SPNS1: variants seen among roughly 807,000 people sequenced by gnomAD.
SPNS1 encodes protein spinster homolog 1.
SPNS1 carries 22 observed loss-of-function variants against 50.3 expected under a neutral mutation model. The ratio of observed to expected loss-of-function variants is 0.44; its 90% CI spans 0.31 to 0.62. The LOEUF is 0.62. SPNS1 is among the 20% of genes least tolerant of loss of function. The pLI is 0.07. For missense variants in SPNS1, 576 were observed against 728.6 expected, an observed-to-expected ratio of 0.79 and a Z score of 2.41; for synonymous variants, 295 against 317.4, an observed-to-expected ratio of 0.93 and a Z score of 0.75.
At chr16:28,975,595 C>T (rs778317649) in intron 2 of SPNS1, 38 bp downstream of exon 2, 4 of 1,610,864 alleles carry the variant, frequency 2.5e-6, no homozygotes, top group Non-Finnish European at 3.4e-6. Flanking sequence ...AGCCGCTCCT[C>T]CTTCTGTTCT....
chr16:28,976,269 C>A (rs1397834167), intron 2 of SPNS1, among the ~76,000 whole-genome samples: 1 of 152,122 alleles, frequency 6.6e-6, no homozygotes, highest in East Asian at 1.9e-4. Context: ...GAGACTCCAT[C>A]TCATAAATAA....
chr16:28,974,818 A>C lies in SPNS1; in HGVS notation c.-334A>C, dbSNP rs1330868959. 1.1e-5 allele frequency: 17 copies of C among 1,535,548 alleles called. No homozygotes were observed. Among genetic ancestry groups the C allele is most frequent in the Non-Finnish European group, 1.3e-5 (15 of 1,146,594 alleles). ...AGCAACATGGCGGCTGCCGTGGTGC[A>C]GCGCCCGGGCTGAGCGACAGCAAGT... On this transcript the variant is annotated 5_prime_UTR_variant, in exon 1 of 12. Transcript: ENST00000311008.
Position 28,981,782 on chromosome 16 carries a change from G to A in SPNS1, c.810-119G>A, listed in dbSNP as rs1965562093. The A allele has an allele frequency of 8.0e-6, 12 of 1,503,234 alleles. No individual in the cohort carries two copies. Among genetic ancestry groups the A allele is most frequent in the Non-Finnish European group, 9.0e-6 (10 of 1,105,586 alleles). 93.1% of individuals were successfully genotyped at this position (1,503,234 alleles called of 1,614,324 possible). On this transcript the variant is annotated intron_variant, in intron 6 of 11. Coordinates refer to ENST00000311008, the MANE Select transcript of SPNS1 (RefSeq NM_032038.3). This position sits in a 1 kb window ranked among gnomAD's most constrained non-coding sequence, Gnocchi z 4.2. Reference sequence around the variant, plus strand: ...TTACAGGCCCAGATCCTGGGAGCCAGAACCACCTCTGCACGGTGTTGTGAC... The same window carrying A: ...TTACAGGCCCAGATCCTGGGAGCCAAAACCACCTCTGCACGGTGTTGTGAC...
At position 28,977,894 on chromosome 16, in the gene SPNS1, C is replaced by T. The variant is rs1400983091; in HGVS notation, c.308-14C>T. ...GGTACCTGGGCTGAGCTGTGACTCTCTGCTTCCCCCTAGTGTTCATCTCCA... is the reference window on the plus strand; with the variant it reads ...GGTACCTGGGCTGAGCTGTGACTCTTTGCTTCCCCCTAGTGTTCATCTCCA... On this transcript the variant is annotated splice_polypyrimidine_tract_variant and intron_variant, in intron 2 of 11. Coordinates refer to ENST00000311008, the MANE Select transcript of SPNS1 (RefSeq NM_032038.3). The T allele has an allele frequency of 1.3e-5, 21 of 1,612,604 alleles. No individual in the cohort carries two copies. Among genetic ancestry groups the T allele is most frequent in the Non-Finnish European group, 1.8e-5 (21 of 1,179,234 alleles).
At position 28,981,178 on chromosome 16, in the gene SPNS1, T is replaced by C. The variant is rs1965537287; in HGVS notation, c.664-292T>C. Reference sequence around the variant, plus strand: ...CCGAGGCTGGGGTGGTTAACAGTCCTCTTGTTGGCCAAGCCTGGGATCCTA... The same window carrying C: ...CCGAGGCTGGGGTGGTTAACAGTCCCCTTGTTGGCCAAGCCTGGGATCCTA... On this transcript the variant is annotated intron_variant, in intron 5 of 11. Coordinates refer to ENST00000311008, the MANE Select transcript of SPNS1 (RefSeq NM_032038.3). This position sits in a 1 kb window ranked among gnomAD's most constrained non-coding sequence, Gnocchi z 4.2. 6.6e-6 allele frequency among the ~76,000 whole-genome samples: 1 copy of C among 152,166 alleles called. No individual in the cohort carries two copies. The highest frequency in any genetic ancestry group is 2.1e-4 in the South Asian group (1 of 4,826).
At chr16:28,977,760 C>T (rs1463139880) in intron 2 of SPNS1, 148 bp from the exon 3 acceptor site, 3 of 967,436 alleles carry the variant, frequency 3.1e-6, no homozygotes, top group Non-Finnish European at 4.6e-6. Flanking sequence ...TGACAGGAAG[C>T]TCTGATGGGC....
chr16:28,978,775 A>G (rs1965432486), intron 3 of SPNS1: 2 of 203,080 alleles, frequency 9.8e-6, no homozygotes, highest in South Asian at 1.5e-4. Flanking sequence ...CCTTAGCTTC[A>G]GGTGCCTTTG....
intron 5 of SPNS1, chr16:28,980,465 C>T (rs1159374050): frequency 1.3e-5 from 2 of 152,080 alleles, no homozygotes; most frequent in Non-Finnish European, 2.9e-5. Flanking sequence ...TCTCATTCTG[C>T]TGAGCCTGCA....
chr16:28,983,671 C>G lies in SPNS1; in HGVS notation c.1321-115C>G. On this transcript the variant is annotated intron_variant, in intron 10 of 11. Coordinates refer to ENST00000311008, the MANE Select transcript of SPNS1 (RefSeq NM_032038.3). This position sits in a 1 kb window ranked among gnomAD's most constrained non-coding sequence, Gnocchi z 5.4. ...CATGAGCCACTGCATCTAGCTCAAA[C>G]CTCCTTCCCTTTCCTGGGCTCCACT... is the stretch of plus-strand genomic sequence containing the variant. The G allele has an allele frequency of 7.1e-6, 9 of 1,262,362 alleles. No individual in the cohort carries two copies. The highest frequency in any genetic ancestry group is 8.7e-6 in the Non-Finnish European group (8 of 920,666). 78.2% of individuals were successfully genotyped at this position (1,262,362 alleles called of 1,614,324 possible). A position where few individuals can be genotyped will look rare whatever the true frequency, so the allele number is the denominator to read the frequency against.
At position 28,975,142 on chromosome 16, in the gene SPNS1, C is replaced by A. The variant is rs1325745369; in HGVS notation, c.-10C>A. On this transcript the variant is annotated 5_prime_UTR_variant, in exon 1 of 12. Transcript: ENST00000311008. Reference sequence around the variant, plus strand: ...GACCGGAGCGCGGGCGGGCGCGGCCCCCCGGGACCATGGCCGGGTCCGACA... The same window carrying A: ...GACCGGAGCGCGGGCGGGCGCGGCCACCCGGGACCATGGCCGGGTCCGACA... The A allele has an allele frequency of 6.7e-7, 1 of 1,482,022 alleles. No individual in the cohort carries two copies. The highest frequency in any genetic ancestry group is 8.9e-7 in the Non-Finnish European group (1 of 1,119,770). The allele number at this position is 1,482,022 out of a possible 1,614,324, so 91.8% of individuals were successfully genotyped here. A position where few individuals can be genotyped will look rare whatever the true frequency, so the allele number is the denominator to read the frequency against.
At position 28,981,430 on chromosome 16, in the gene SPNS1, GTCTC is replaced by G; in HGVS notation, c.664-37_664-34del. The G allele has an allele frequency of 6.2e-7, 1 of 1,612,698 alleles. No individual in the cohort carries two copies. Among genetic ancestry groups the G allele is most frequent in the Non-Finnish European group, 8.5e-7 (1 of 1,179,326 alleles). The stretch of plus-strand genomic sequence containing the variant: ...CTCCTCCAGCCCAGGGCTTGAGTGT[GTCTC>G]TCCCTGTGCCTATCCTGAAGCCCTC... On this transcript the variant is annotated intron_variant, in intron 5 of 11. Coordinates refer to ENST00000311008, the MANE Select transcript of SPNS1 (RefSeq NM_032038.3). The surrounding 1 kb of genome is among the most constrained non-coding windows in gnomAD (Gnocchi z 4.2).
In SPNS1 at chr16:28,981,463, C is replaced by T; in HGVS notation, c.664-7C>T. Reference sequence around the variant, plus strand: ...CTGTGCCTATCCTGAAGCCCTCTGTCTCCCAGGTGACACCGGGTCTAGGAG... The same window carrying T: ...CTGTGCCTATCCTGAAGCCCTCTGTTTCCCAGGTGACACCGGGTCTAGGAG... On this transcript the variant is annotated splice_polypyrimidine_tract_variant and splice_region_variant and intron_variant, in intron 5 of 11. Coordinates refer to ENST00000311008, the MANE Select transcript of SPNS1 (RefSeq NM_032038.3). This position sits in a 1 kb window ranked among gnomAD's most constrained non-coding sequence, Gnocchi z 4.2. The T allele has an allele frequency of 6.2e-7, 1 of 1,613,962 alleles. No individual in the cohort carries two copies. Among genetic ancestry groups the T allele is most frequent in the Non-Finnish European group, 8.5e-7 (1 of 1,179,942 alleles).
rs891199426 is a variant in SPNS1 at position 28,981,089 on chromosome 16, C to T, written c.664-381C>T. Among the ~76,000 whole-genome samples, 10 of 152,182 alleles carry T rather than the reference C, an allele frequency of 6.6e-5. No individual in the cohort carries two copies. Among genetic ancestry groups the T allele is most frequent in the African/African-American group, 1.9e-4 (8 of 41,438 alleles). On this transcript the variant is annotated intron_variant, in intron 5 of 11. Coordinates refer to ENST00000311008, the MANE Select transcript of SPNS1 (RefSeq NM_032038.3). This position sits in a 1 kb window ranked among gnomAD's most constrained non-coding sequence, Gnocchi z 4.2. ...ACATTGGCACCTTGGACCCTGGGGC[C>T]GTGTTTCCAGGATAGCGTCTGACTA...
In SPNS1 at chr16:28,983,605, G is replaced by A. The variant is rs940188507; in HGVS notation, c.1321-181G>A. ...CAGCCTCGACCTCCTGGGCTCAAGC[G>A]ATCCTCCCACCTCAGCCTCCTGAGT... On this transcript the variant is annotated intron_variant, in intron 10 of 11. Coordinates refer to ENST00000311008, the MANE Select transcript of SPNS1 (RefSeq NM_032038.3). This position sits in a 1 kb window ranked among gnomAD's most constrained non-coding sequence, Gnocchi z 5.4. Among the ~76,000 whole-genome samples, 12 of 152,080 alleles carry A rather than the reference G, an allele frequency of 7.9e-5. No homozygotes were observed. The highest frequency in any genetic ancestry group is 3.9e-4 in the East Asian group (2 of 5,186).
rs1220513869 is a variant in SPNS1 at position 28,981,230 on chromosome 16, AG to A, written c.664-236del. Among the ~76,000 whole-genome samples, 1 of 152,226 alleles carries A rather than the reference AG, an allele frequency of 6.6e-6. No individual in the cohort carries two copies. Among genetic ancestry groups the A allele is most frequent in the East Asian group, 1.9e-4 (1 of 5,202 alleles). On this transcript the variant is annotated intron_variant, in intron 5 of 11. Transcript: ENST00000311008. This position sits in a 1 kb window ranked among gnomAD's most constrained non-coding sequence, Gnocchi z 4.2. ...TTAAACCAAGTGGATTGAGAGAAGTAGGGGTACTGGTTTCCCAAAAGAAAAT... is the reference window on the plus strand; with the variant it reads ...TTAAACCAAGTGGATTGAGAGAAGTAGGGTACTGGTTTCCCAAAAGAAAAT...
chr16:28,983,805 G>C lies in SPNS1; in HGVS notation c.1340G>C (p.Arg447Pro). 1 of 1,597,180 alleles carries C rather than the reference G, an allele frequency of 6.3e-7. No homozygotes were observed. The highest frequency in any genetic ancestry group is 8.5e-7 in the Non-Finnish European group (1 of 1,174,208). ...CTGCAGATCTCTGACCGCCTGCGCC[G>C]GAACTGGCCCCCCTCCTTCTTGTCC... ...LIGLISDRLR[R>P]NWPPSFLSEF... is the part of the protein sequence containing the mutation. Residue 447 changes from arginine to proline, a missense_variant, in exon 11 of 12, where the codon CGG becomes CCG. By Grantham distance (103) the Arg-to-Pro change is moderately radical. Coordinates refer to ENST00000311008, the MANE Select transcript of SPNS1 (RefSeq NM_032038.3). This position sits in a 1 kb window ranked among gnomAD's most constrained non-coding sequence, Gnocchi z 5.4.
chr16:28,975,181 C>T lies in SPNS1; in HGVS notation c.30C>T (p.Leu10=), dbSNP rs1326830058. The change falls in exon 1 of 12, where the codon CTC becomes CTT. Residue 10 remains leucine, a synonymous_variant. Transcript: ENST00000311008. The stretch of plus-strand genomic sequence containing the variant: ...CCGGGTCCGACACCGCGCCCTTCCT[C>T]AGCCAGGCGGATGACCCGGACGACG... The part of the protein sequence containing the change: MAGSDTAPF[L]SQADDPDDGP... 2.0e-6 allele frequency: 3 copies of T among 1,494,160 alleles called. No individual in the cohort carries two copies. Among genetic ancestry groups the T allele is most frequent in the Non-Finnish European group, 2.7e-6 (3 of 1,121,826 alleles). The allele number at this position is 1,494,160 out of a possible 1,614,324, so 92.6% of individuals were successfully genotyped here.
intron 3 of SPNS1, 33 bp from the exon 4 acceptor site, chr16:28,979,117 AGGCTG>A: frequency 6.3e-7 from 1 of 1,598,114 alleles, no homozygotes; most frequent in Non-Finnish European, 8.5e-7. Flanking sequence ...GGCTGGTTGC[AGGCTG>A]GGGTGCCACC....
In SPNS1 at chr16:28,983,710, G is replaced by A; in HGVS notation, c.1321-76G>A. 6.8e-7 allele frequency: 1 copy of A among 1,467,114 alleles called. No individual in the cohort carries two copies. The highest frequency in any genetic ancestry group is 1.4e-5 in the South Asian group (1 of 73,636). The allele number at this position is 1,467,114 out of a possible 1,614,324, so 90.9% of individuals were successfully genotyped here. ...CTGGGCTCCACTTGTCTTTCTCCCT[G>A]GAGCTCAGGGGCGTGCCCTCCCTGG... On this transcript the variant is annotated intron_variant, in intron 10 of 11. Transcript: ENST00000311008. The surrounding 1 kb of genome is among the most constrained non-coding windows in gnomAD (Gnocchi z 5.4).
Sources: gnomAD v4.1 joint callset for allele counts (sites outside exome capture counted in the v4.1 genomes callset) on GRCh38, gnomAD v4.1.1 for gene constraint, Gnocchi (gnomAD v3.1) non-coding constraint, MANE v1.5 for transcripts, NCBI Gene and HGNC (gene_info 2026-07-23, HGNC 2026-07-21) for gene names.